EFHC1: variants seen among roughly 807,000 people sequenced by gnomAD.
EFHC1 encodes the protein EF-hand domain-containing protein 1.
A neutral mutation model predicts 69.9 loss-of-function variants in EFHC1; 53 were observed. The ratio of observed to expected loss-of-function variants is 0.76; its 90% CI spans 0.61 to 0.95. The LOEUF is 0.95. Among genes scored for constraint, EFHC1 ranks in the 40% least tolerant of loss-of-function variants. The pLI, the probability that EFHC1 is intolerant of heterozygous loss-of-function variation, is 0.00. For synonymous variants in EFHC1, 256 were observed against 278.4 expected (o/e 0.92, Z 0.80); for missense variants, 739 against 798.7 (o/e 0.93, Z 0.90).
intron 5 of EFHC1, 91 bp downstream of exon 5, chr6:52,454,378 T>G: frequency 1.3e-6 from 2 of 1,509,446 alleles, no homozygotes; most frequent in Non-Finnish European, 1.8e-6. Flanking sequence ...TCGTTTATAC[T>G]TGGAAGCCTC....
rs1765240138 is a variant in EFHC1, at chr6:52,464,150, T to C, written c.917-745T>C. Among the ~76,000 whole-genome samples the C allele has an allele frequency of 2.6e-5, 4 of 152,224 alleles. No individual in the cohort carries two copies. In the South Asian group the frequency reaches 8.3e-4, roughly 31 times the overall value. On this transcript the variant is annotated intron_variant, in intron 5 of 10. Coordinates refer to ENST00000371068, the MANE Select transcript of EFHC1 (RefSeq NM_018100.4). ...TGGATGCCAGGCTGCAGGTAATCAATCTTAAACAAGTTAATCCTTAGTTCT... is the reference window on the plus strand; with the variant it reads ...TGGATGCCAGGCTGCAGGTAATCAACCTTAAACAAGTTAATCCTTAGTTCT...
chr6:52,479,836 T>G (rs754689819), intron 9 of EFHC1, 49 bp downstream of exon 9: 7 of 1,608,734 alleles, frequency 4.4e-6, no homozygotes, highest in Non-Finnish European at 5.1e-6. Flanking sequence ...ATTCAGGAAG[T>G]AATTCTTGAG....
chr6:52,461,662 T>A, intron 5 of EFHC1, among the ~76,000 whole-genome samples: 1 of 152,150 alleles, frequency 6.6e-6, no homozygotes, highest in East Asian at 1.9e-4. Context: ...TCCACGGTGT[T>A]TGAACTCATT....
intron 10 of EFHC1, among the ~76,000 whole-genome samples, chr6:52,491,258 A>C (rs911098385): frequency 6.6e-6 from 1 of 152,210 alleles, no homozygotes; most frequent in Non-Finnish European, 1.5e-5. Flanking sequence ...CAAATTCTTC[A>C]TACTGTCTGA....
At position 52,476,394 on chromosome 6, in the gene EFHC1, A is replaced by G. The variant is rs1765545960; in HGVS notation, c.1279-2643A>G. ...TCATTAGGCACACACTGCTGTAATC[A>G]TGGTTGCAGATAAGATCCAGCAATG... On this transcript the variant is annotated intron_variant, in intron 7 of 10. Transcript: ENST00000371068. Among the ~76,000 whole-genome samples, 3 of 152,240 alleles carry G rather than the reference A, an allele frequency of 2.0e-5. 1 individual carries two copies. The highest frequency in any genetic ancestry group is 1.3e-4 in the Admixed American group (2 of 15,282).
At position 52,490,543 on chromosome 6, in the gene EFHC1, G is replaced by T; in HGVS notation, c.1851+193G>T. ...GTATTCTTTTCTAATTGCTGTTGCA[G>T]GGCATCTCTTTAAGTGGGCCTGGGG... On this transcript the variant is annotated intron_variant, in intron 10 of 10. Transcript: ENST00000371068. The T allele has an allele frequency of 1.6e-5, 10 of 627,798 alleles. No homozygotes were observed. In the South Asian group the frequency reaches 2.0e-4, roughly 12 times the overall value. The allele number at this position is 627,798 out of a possible 1,614,324, so 38.9% of individuals were successfully genotyped here.
At chr6:52,486,581 T>G (rs904183807) in intron 9 of EFHC1, 1 of 152,258 alleles carries the variant, frequency 6.6e-6, no homozygotes, top group Non-Finnish European at 1.5e-5. Context: ...ATTCTCATTT[T>G]CTTTTCCATT....
intron 2 of EFHC1, among the ~76,000 whole-genome samples, chr6:52,437,117 T>C (rs1764551797): frequency 6.6e-6 from 1 of 152,186 alleles, no homozygotes; most frequent in African/African-American, 2.4e-5. Context: ...GATGAGGGTA[T>C]GTACACACCC....
intron 2 of EFHC1, among the ~76,000 whole-genome samples, chr6:52,431,933 T>G (rs934618035): frequency 6.6e-6 from 1 of 152,218 alleles, no homozygotes; most frequent in Admixed American, 6.5e-5. Context: ...GGACAGGTCT[T>G]TTATCATTAT....
chr6:52,446,880 T>A (rs903528128), intron 3 of EFHC1, among the ~76,000 whole-genome samples: 1 of 152,202 alleles, frequency 6.6e-6, no homozygotes, highest in East Asian at 1.9e-4. Context: ...AGAATGTTGA[T>A]TATTGGCCCC....
intron 7 of EFHC1, among the ~76,000 whole-genome samples, chr6:52,470,243 C>G (rs1349418666): frequency 6.6e-6 from 1 of 152,006 alleles, no homozygotes; most frequent in East Asian, 1.9e-4. Context: ...TTGCACAAAG[C>G]TTTAAATAAA....
intron 5 of EFHC1, among the ~76,000 whole-genome samples, chr6:52,463,915 G>GCTATGATC (rs1427101711): frequency 2.0e-5 from 3 of 152,186 alleles, no homozygotes; most frequent in Admixed American, 6.5e-5. Flanking sequence ...GCCCTCCTTT[G>GCTATGATC]CTATGATCAA....
chr6:52,425,201 G>A (rs868386888), intron 2 of EFHC1, among the ~76,000 whole-genome samples: 4 of 152,116 alleles, frequency 2.6e-5, no homozygotes, highest in Admixed American at 6.6e-5. Context: ...TTCATAGGCC[G>A]AACCTAAACA....
At chr6:52,442,604 G>A (rs989730615) in intron 3 of EFHC1, among the ~76,000 whole-genome samples, 10 of 152,150 alleles carry the variant, frequency 6.6e-5, no homozygotes, top group African/African-American at 2.4e-4. Flanking sequence ...CTTCATCCAT[G>A]TCCCTACAAA....
At chr6:52,482,988 C>T (rs1765712206) in intron 9 of EFHC1, 1 of 396,098 alleles carries the variant, frequency 2.5e-6, no homozygotes, top group African/African-American at 2.1e-5. Context: ...GTTTGTGTAT[C>T]ACTGAGAGAC....
chr6:52,477,378 A>G (rs1292925856), intron 7 of EFHC1, among the ~76,000 whole-genome samples: 1 of 152,208 alleles, frequency 6.6e-6, no homozygotes, highest in African/African-American at 2.4e-5. Context: ...AAACAATCCC[A>G]TGGTCTTAAT....
chr6:52,477,653 C>T (rs1765572353), intron 7 of EFHC1, among the ~76,000 whole-genome samples: 2 of 152,174 alleles, frequency 1.3e-5, no homozygotes, highest in African/African-American at 4.8e-5. Context: ...GACATTTATG[C>T]AGCCAAAAAA....
intron 5 of EFHC1, among the ~76,000 whole-genome samples, chr6:52,458,985 A>G (rs1765103203): frequency 6.6e-6 from 1 of 152,230 alleles, no homozygotes; most frequent in African/African-American, 2.4e-5. Flanking sequence ...AGGCCATTAT[A>G]CTAAGTGAAT....
intron 8 of EFHC1, 35 bp downstream of exon 8, chr6:52,479,285 C>A (rs1765618190): frequency 6.2e-7 from 1 of 1,605,108 alleles, no homozygotes; most frequent in Admixed American, 1.7e-5. Flanking sequence ...TTCCTACTGG[C>A]TGCCTGAATG....
Sources: gnomAD v4.1 joint callset for allele counts (sites outside exome capture counted in the v4.1 genomes callset) on GRCh38, gnomAD v4.1.1 for gene constraint, MANE v1.5 for transcripts, NCBI Gene and HGNC (gene_info 2026-07-23, HGNC 2026-07-21) for gene names.